NKAIN3: variants seen among roughly 807,000 people sequenced by gnomAD.
NKAIN3 encodes sodium/potassium transporting ATPase interacting 3.
Under a neutral mutation model 30.2 loss-of-function variants are expected in NKAIN3, and 25 were observed. That is an observed-to-expected ratio of 0.83 (90% CI 0.60 to 1.16). The LOEUF is 1.16. Ranked by LOEUF, NKAIN3 falls within the 50% of genes most tolerant of loss-of-function variation. NKAIN3 has a pLI of 0.00. For synonymous variants in NKAIN3, 91 were observed against 89.6 expected (o/e 1.02, Z -0.09); for missense variants, 225 against 254.1 (o/e 0.89, Z 0.78).
chr8:62,646,568 C>T (rs766802060), intron 3 of NKAIN3, among the ~76,000 whole-genome samples: 1 of 151,944 alleles, frequency 6.6e-6, no homozygotes, highest in Non-Finnish European at 1.5e-5. Context: ...TATAATAAAC[C>T]ACTGTATTTA....
intron 1 of NKAIN3, among the ~76,000 whole-genome samples, chr8:62,304,249 C>G (rs1337690652): frequency 6.7e-6 from 1 of 150,248 alleles, no homozygotes; most frequent in African/African-American, 2.5e-5. Context: ...TCTCTCAGCC[C>G]CAATCTAAGC....
intron 1 of NKAIN3, among the ~76,000 whole-genome samples, chr8:62,256,027 TC>T (rs1374838052): frequency 6.6e-6 from 1 of 152,170 alleles, no homozygotes; most frequent in Non-Finnish European, 1.5e-5. Context: ...TGTGGATACT[TC>T]CTAAGGCTAT....
chr8:62,742,836 TTTAA>T lies in NKAIN3; in HGVS notation c.274-4091_274-4088del, dbSNP rs1398078832. On this transcript the variant is annotated intron_variant, in intron 3 of 6. Transcript: ENST00000623646. ...CTGGATAATTTATAAAGGAAAGAAG[TTTAA>T]TTAACTCACAGTTCAGCATGGCTGG... Among the ~76,000 whole-genome samples the T allele has an allele frequency of 2.6e-5, 4 of 152,304 alleles. No homozygotes were observed. In the East Asian group the frequency reaches 7.7e-4, roughly 29 times the overall value.
At chr8:62,914,777 C>CTTTTTTTTTTTTTTTTTTTTTTT (rs34474788) in intron 4 of NKAIN3, among the ~76,000 whole-genome samples, 1 of 112,188 alleles carries the variant, frequency 8.9e-6, no homozygotes, top group African/African-American at 3.2e-5. Flanking sequence ...TTACTGTAAT[C>CTTTTTTTTTTTTTTTTTTTTTTT]TTTTTTTTTT....
At chr8:62,512,150 T>C (rs1563433730) in intron 1 of NKAIN3, among the ~76,000 whole-genome samples, 1 of 152,164 alleles carries the variant, frequency 6.6e-6, no homozygotes, top group Non-Finnish European at 1.5e-5. Context: ...TAATGCTATA[T>C]TCTGAGGACC....
intron 2 of NKAIN3, among the ~76,000 whole-genome samples, chr8:62,588,186 T>TGGA (rs1810537668): frequency 6.6e-6 from 1 of 151,872 alleles, no homozygotes; most frequent in Non-Finnish European, 1.5e-5. Context: ...TATCAAACAC[T>TGGA]AGATGCCATC....
chr8:62,808,042 A>C (rs1001055035), intron 4 of NKAIN3, among the ~76,000 whole-genome samples: 1 of 152,112 alleles, frequency 6.6e-6, no homozygotes, highest in South Asian at 2.1e-4. Context: ...TTCTTTTTGA[A>C]CACAATAAAG....
At chr8:62,695,931 G>T (rs1312959281) in intron 3 of NKAIN3, among the ~76,000 whole-genome samples, 2 of 152,122 alleles carry the variant, frequency 1.3e-5, no homozygotes, top group Non-Finnish European at 2.9e-5. Flanking sequence ...ACCTTAAAAT[G>T]AATGGTCCCA....
intron 3 of NKAIN3, among the ~76,000 whole-genome samples, chr8:62,669,670 T>C (rs1487559809): frequency 1.3e-5 from 2 of 152,146 alleles, no homozygotes; most frequent in African/African-American, 4.8e-5. Flanking sequence ...TCCACCTTTT[T>C]CTTCTGTTTG....
chr8:62,715,723 A>C (rs971436042), intron 3 of NKAIN3, among the ~76,000 whole-genome samples: 1 of 152,134 alleles, frequency 6.6e-6, no homozygotes, highest in Non-Finnish European at 1.5e-5. Context: ...ACTGCCTTAG[A>C]TGTGGATTTA....
chr8:62,438,889 T>A (rs1209102006), intron 1 of NKAIN3, among the ~76,000 whole-genome samples: 1 of 152,110 alleles, frequency 6.6e-6, no homozygotes, highest in Non-Finnish European at 1.5e-5. Flanking sequence ...AAAATGCCAA[T>A]GTTCATTCTC....
At chr8:62,930,082 T>C (rs1200080673) in intron 5 of NKAIN3, among the ~76,000 whole-genome samples, 3 of 152,236 alleles carry the variant, frequency 2.0e-5, no homozygotes, top group Non-Finnish European at 4.4e-5. Flanking sequence ...ACCATTTTAA[T>C]ATTTTTAAGT....
chr8:62,452,813 T>C lies in NKAIN3; in HGVS notation c.55-126726T>C, dbSNP rs189586832. On this transcript the variant is annotated intron_variant, in intron 1 of 6. Coordinates refer to ENST00000623646, the MANE Select transcript of NKAIN3 (RefSeq NM_001304533.3). ...ACTTTTTTGAAAAATCACTTAAATA[T>C]TTTAGAAAATTTCTTATGCCAAGTG... 6.2e-3 allele frequency among the ~76,000 whole-genome samples: 938 copies of C among 152,294 alleles called. 8 individuals carry two copies. Among genetic ancestry groups the C allele is most frequent in the Non-Finnish European group, 0.01 (688 of 68,018 alleles).
Position 62,984,719 on chromosome 8 carries a change from T to C in NKAIN3, c.*19312T>C, listed in dbSNP as rs1403779266. The C allele has an allele frequency of 8.5e-5, 13 of 152,222 alleles. No homozygotes were observed. The allele number at this position is 152,222 out of a possible 1,614,324, so 9.4% of individuals were successfully genotyped here. ...CTTGCTTTCACAATTACTATTTACA[T>C]TTTTGTGCATATAATGCCTGTATAT... On this transcript the variant is annotated 3_prime_UTR_variant, in exon 7 of 7. Coordinates refer to ENST00000623646, the MANE Select transcript of NKAIN3 (RefSeq NM_001304533.3).
chr8:62,351,118 C>T (rs1026296863), intron 1 of NKAIN3, among the ~76,000 whole-genome samples: 2 of 148,714 alleles, frequency 1.3e-5, no homozygotes, highest in African/African-American at 4.9e-5. Flanking sequence ...TATATATTAA[C>T]ATATATACTA....
chr8:62,305,749 C>G (rs1020056839), intron 1 of NKAIN3, among the ~76,000 whole-genome samples: 2 of 150,510 alleles, frequency 1.3e-5, no homozygotes, highest in Non-Finnish European at 2.9e-5. Flanking sequence ...GTTGGTCTCG[C>G]TGGCCTTCTC....
In NKAIN3 at chr8:62,833,211, T is replaced by C. The variant is rs545745500; in HGVS notation, c.472-85242T>C. Among the ~76,000 whole-genome samples, 6 of 152,212 alleles carry C rather than the reference T, an allele frequency of 3.9e-5. No homozygotes were observed. The South Asian group carries it at 1.2e-3, about 32-fold the overall frequency. On this transcript the variant is annotated intron_variant, in intron 4 of 6. Coordinates refer to ENST00000623646, the MANE Select transcript of NKAIN3 (RefSeq NM_001304533.3). The stretch of plus-strand genomic sequence containing the variant: ...AAAGCAGTGTTAAGAGGAAAGTTTA[T>C]AGTGCAAAAAACCTACATCAAGAAG...
intron 3 of NKAIN3, among the ~76,000 whole-genome samples, chr8:62,658,143 TGA>T (rs1812820657): frequency 6.6e-6 from 1 of 152,212 alleles, no homozygotes; most frequent in Admixed American, 6.5e-5. Context: ...TGTAACATTT[TGA>T]GAGTGTATTC....
At chr8:62,749,743 C>T (rs1323931784) in intron 4 of NKAIN3, among the ~76,000 whole-genome samples, 2 of 137,262 alleles carry the variant, frequency 1.5e-5, no homozygotes, top group African/African-American at 5.4e-5. Flanking sequence ...AGCGTAATGG[C>T]GTGATCTCGG....
Sources: allele counts gnomAD v4.1 joint callset (sites outside exome capture counted in the v4.1 genomes callset), GRCh38; gene constraint gnomAD v4.1.1; transcripts MANE v1.5; gene names NCBI Gene and HGNC (gene_info 2026-07-23, HGNC 2026-07-21).